Variants in NCR1 observed in about 807,000 individuals in gnomAD.
NCR1 encodes the protein natural cytotoxicity triggering receptor 1.
A neutral mutation model predicts 32.5 loss-of-function variants in NCR1; 30 were observed. That is an observed-to-expected ratio of 0.92 (90% CI 0.69 to 1.25). NCR1 has a LOEUF of 1.25. NCR1 is among the 50% of genes most tolerant of loss of function. NCR1 has a pLI of 0.00. For missense variants in NCR1, 369 were observed against 380.7 expected (o/e 0.97, Z 0.26); for synonymous variants, 169 against 143.4 (o/e 1.18, Z -1.28).
the NCR1 span, among the ~76,000 whole-genome samples, chr19:54,935,924 G>A: frequency 6.6e-6 from 1 of 151,962 alleles, no homozygotes; most frequent in Non-Finnish European, 1.5e-5. Flanking sequence ...GGAAAAAACT[G>A]TCTTGTGCAA....
At chr19:54,918,556 G>A (rs2146111816), downstream of NCR1, among the ~76,000 whole-genome samples, 1 of 152,202 alleles carries the variant, frequency 6.6e-6, no homozygotes, top group African/African-American at 2.4e-5. Context: ...TTACAGGCGT[G>A]AGCGACCACA....
downstream of NCR1, among the ~76,000 whole-genome samples, chr19:54,916,653 G>GC (rs2068140673): frequency 7.0e-6 from 1 of 143,094 alleles, no homozygotes; most frequent in Admixed American, 7.1e-5. Context: ...ACCACCCCCA[G>GC]CCCCTGATAA....
chr19:54,907,155 T>G (rs1238429624), intron 3 of NCR1, among the ~76,000 whole-genome samples: 2 of 151,768 alleles, frequency 1.3e-5, no homozygotes, highest in East Asian at 3.9e-4. Context: ...GTGGGTTTTT[T>G]TTTTTTTTAT....
chr19:54,912,680 C>T lies in NCR1; in HGVS notation c.734-10C>T, dbSNP rs545723978. Reference sequence around the variant, plus strand: ...CCCTGTCAGCGATCACCCTGTTCTCCTGCCTACAGACCATGCCCTCTGGGA... The same window carrying T: ...CCCTGTCAGCGATCACCCTGTTCTCTTGCCTACAGACCATGCCCTCTGGGA... On this transcript the variant is annotated splice_polypyrimidine_tract_variant and intron_variant, in intron 6 of 6. Transcript: ENST00000291890. 11 of 1,586,648 alleles carry T rather than the reference C, an allele frequency of 6.9e-6. No homozygotes were observed. In the South Asian group the frequency reaches 1.1e-4, roughly 16 times the overall value.
the NCR1 span, among the ~76,000 whole-genome samples, chr19:54,922,032 G>A: frequency 6.6e-6 from 1 of 151,888 alleles, no homozygotes; most frequent in Non-Finnish European, 1.5e-5. Context: ...GAGTAGCTGG[G>A]ATTACAGGCA....
At chr19:54,899,311 T>C in the NCR1 span, among the ~76,000 whole-genome samples, 1 of 151,746 alleles carries the variant, frequency 6.6e-6, no homozygotes, top group African/African-American at 2.4e-5. Context: ...TTAGGTCAGG[T>C]GTGAGTTGAA....
rs2146072535 is a variant in NCR1 at position 54,910,071 on chromosome 19, T to A, written c.682+6T>A. The A allele has an allele frequency of 6.2e-7, 1 of 1,612,414 alleles. No homozygotes were observed. The highest frequency in any genetic ancestry group is 2.2e-5 in the East Asian group (1 of 44,806). On this transcript the variant is annotated splice_donor_region_variant and intron_variant, in intron 5 of 6. Coordinates refer to ENST00000291890, the MANE Select transcript of NCR1 (RefSeq NM_004829.7). ...TGAAGACCCCACCTTTCCTGGTGAG[T>A]AACTGGTCCTTCTAAGCTCAGACGA...
the NCR1 span, among the ~76,000 whole-genome samples, chr19:54,925,271 G>A: frequency 6.6e-6 from 1 of 152,154 alleles, no homozygotes; most frequent in East Asian, 1.9e-4. Context: ...TGGCATTACA[G>A]ACCTCGGTCC....
At chr19:54,916,317 C>CTTTTTTTTTGTTTTT (rs2068131168), downstream of NCR1, among the ~76,000 whole-genome samples, 1 of 87,124 alleles carries the variant, frequency 1.1e-5, no homozygotes, top group Non-Finnish European at 2.3e-5. Context: ...GAATATTGTG[C>CTTTTTTTTTGTTTTT]TTTTTTTTTT....
intron 5 of NCR1, among the ~76,000 whole-genome samples, chr19:54,910,961 TG>T (rs1267839228): frequency 1.3e-5 from 2 of 152,126 alleles, no homozygotes; most frequent in Non-Finnish European, 2.9e-5. Context: ...GGAAGATAAC[TG>T]GGGTAATACA....
chr19:54,933,537 T>A, the NCR1 span: 1 of 1,607,970 alleles, frequency 6.2e-7, no homozygotes, highest in Non-Finnish European at 8.5e-7. Flanking sequence ...TGAATTCATG[T>A]GCACACACAC....
the NCR1 span, among the ~76,000 whole-genome samples, chr19:54,934,126 A>G: frequency 2.0e-5 from 3 of 152,170 alleles, no homozygotes; most frequent in Non-Finnish European, 4.4e-5. The surrounding 1 kb of genome is among the most constrained non-coding windows in gnomAD (Gnocchi z 6.7). Flanking sequence ...ATTTTTTAGT[A>G]GAGACGGGGT....
chr19:54,936,538 T>C, the NCR1 span: 8 of 1,014,082 alleles, frequency 7.9e-6, no homozygotes, highest in East Asian at 9.6e-5. Context: ...TTAGAAGTTC[T>C]TGGCCGGGTG....
Position 54,909,543 on chromosome 19 carries a change from C to A in NCR1, c.634+20C>A. 8.8e-6 allele frequency: 14 copies of A among 1,593,178 alleles called. No homozygotes were observed. Among genetic ancestry groups the A allele is most frequent in the Non-Finnish European group, 1.2e-5 (14 of 1,173,898 alleles). On this transcript the variant is annotated intron_variant, in intron 4 of 6. Coordinates refer to ENST00000291890, the MANE Select transcript of NCR1 (RefSeq NM_004829.7). ...TCACAGGTGAGGAAATGCTCAATTC[C>A]CCACACCCTTCGCCGCCATGTGCTA...
At chr19:54,938,142 G>A in the NCR1 span, 9 of 1,614,072 alleles carry the variant, frequency 5.6e-6, no homozygotes, top group Non-Finnish European at 6.8e-6. Context: ...CCAGAAACTT[G>A]AGGTTGCTGT....
chr19:54,910,485 G>A (rs977533316), intron 5 of NCR1, among the ~76,000 whole-genome samples: 4 of 152,060 alleles, frequency 2.6e-5, no homozygotes, highest in Non-Finnish European at 4.4e-5. Flanking sequence ...CAGGAGAATT[G>A]TTGAACCTGG....
chr19:54,932,015 T>C, the NCR1 span, among the ~76,000 whole-genome samples: 1 of 152,178 alleles, frequency 6.6e-6, no homozygotes, highest in Non-Finnish European at 1.5e-5. Flanking sequence ...CCTGTCATTT[T>C]ATTTCATGTT....
chr19:54,909,176 AAG>A, intron 3 of NCR1, 67 bp from the exon 4 acceptor site: 1 of 1,487,058 alleles, frequency 6.7e-7, no homozygotes, highest in Non-Finnish European at 9.1e-7. Context: ...TCTCTAAAGA[AAG>A]AAAAAAAAAA....
At chr19:54,933,716 T>G in the NCR1 span, 1 of 1,614,182 alleles carries the variant, frequency 6.2e-7, no homozygotes. Context: ...GCAACTGGCT[T>G]CTGTAAGACG....
Sources: allele counts gnomAD v4.1 joint callset (sites outside exome capture counted in the v4.1 genomes callset), GRCh38; gene constraint gnomAD v4.1.1; non-coding constraint Gnocchi (gnomAD v3.1); transcripts MANE v1.5; gene names NCBI Gene and HGNC (gene_info 2026-07-23, HGNC 2026-07-21).